The following DDX60 variants were observed in gnomAD, a reference collection of about 807,000 sequenced individuals.
The protein encoded by DDX60 is DExD/H-box helicase 60, also known as probable ATP-dependent RNA helicase DDX60.
A neutral mutation model predicts 212.8 loss-of-function variants in DDX60; 165 were observed. That is an observed-to-expected ratio of 0.78 (90% CI 0.68 to 0.88). DDX60 has a LOEUF of 0.88. Ranked by LOEUF, DDX60 falls within the 40% of genes least tolerant of loss-of-function variation. The pLI, the probability that DDX60 is intolerant of heterozygous loss-of-function variation, is 0.00. For missense variants in DDX60, 1,905 were observed against 2,003.9 expected, an observed-to-expected ratio of 0.95 and a Z score of 0.94; for synonymous variants, 703 against 685.3, an observed-to-expected ratio of 1.03 and a Z score of -0.40.
chr4:168,277,261 A>G (rs1735381012), intron 14 of DDX60, among the ~76,000 whole-genome samples: 1 of 152,190 alleles, frequency 6.6e-6, no homozygotes, highest in South Asian at 2.1e-4. Flanking sequence ...CCAGGGAAGC[A>G]TGAATACAGT....
chr4:168,296,608 T>G (rs1560869092), intron 6 of DDX60, among the ~76,000 whole-genome samples: 1 of 152,006 alleles, frequency 6.6e-6, no homozygotes, highest in Non-Finnish European at 1.5e-5. Context: ...TTAAATTAAA[T>G]TATATTAAAT....
chr4:168,244,475 C>A (rs1369823031), intron 30 of DDX60, among the ~76,000 whole-genome samples: 2 of 152,028 alleles, frequency 1.3e-5, no homozygotes, highest in Non-Finnish European at 2.9e-5. Flanking sequence ...GCCTGTAATC[C>A]CAGTACTTTG....
chr4:168,302,409 T>C lies in DDX60; in HGVS notation c.614A>G (p.Gln205Arg), dbSNP rs1736685320. 2 of 1,441,566 alleles carry C rather than the reference T, an allele frequency of 1.4e-6. No homozygotes were observed. Among genetic ancestry groups the C allele is most frequent in the Admixed American group, 2.5e-5 (1 of 39,220 alleles). The allele number at this position is 1,441,566 out of a possible 1,614,324, so 89.3% of individuals were successfully genotyped here. A position where few individuals can be genotyped will look rare whatever the true frequency, so the allele number is the denominator to read the frequency against. ...GGTTGTATAAGCATCTTTAATGTTC[T>C]GCTTATTCTGTAAAATAAAGAAAAA... ...RHQIFSWKNKQNIKDAYTTLL... is the reference protein window; with the variant it reads ...RHQIFSWKNKRNIKDAYTTLL... The change falls in exon 6 of 38, where the codon CAG becomes CGG. Residue 205 changes from glutamine to arginine, a missense_variant. Gln to Arg is a conservative substitution (Grantham distance 43). Transcript: ENST00000393743.
intron 37 of DDX60, among the ~76,000 whole-genome samples, chr4:168,218,973 C>T (rs1732948108): frequency 6.6e-6 from 1 of 151,942 alleles, no homozygotes; most frequent in Non-Finnish European, 1.5e-5. Context: ...TTTTTTAAAG[C>T]AGGTATATCA....
the DDX60 span, among the ~76,000 whole-genome samples, chr4:168,324,345 T>G: frequency 6.8e-6 from 1 of 147,070 alleles, no homozygotes; most frequent in Non-Finnish European, 1.5e-5. Flanking sequence ...GTATCAGAAG[T>G]CATGGACAAG....
At chr4:168,246,327 T>A in intron 30 of DDX60, 91 bp downstream of exon 30, 1 of 1,432,796 alleles carries the variant, frequency 7.0e-7, no homozygotes, top group Admixed American at 1.9e-5. Context: ...AACTCAAGGG[T>A]GATTGCTACA....
rs778356355 is a variant in DDX60 at position 168,252,619 on chromosome 4, G to C, written c.3595C>G (p.Gln1199Glu). The C allele has an allele frequency of 1.9e-6, 3 of 1,611,786 alleles. No homozygotes were observed. Among genetic ancestry groups the C allele is most frequent in the Non-Finnish European group, 2.5e-6 (3 of 1,178,984 alleles). The change falls in exon 27 of 38, where the codon CAA becomes GAA. Residue 1199 changes from glutamine (Q) to glutamate (E), a missense_variant. Transcript: ENST00000393743. ...TGTTCAGCTTCATGTATTAGGCTTT[G>C]ATCCACATTTCTGGTTTTTTTCTGG... is the stretch of plus-strand genomic sequence containing the variant. Reference protein sequence around the residue: ...KSQKKTRNVDQSLIHEAEHDN... With the variant: ...KSQKKTRNVDESLIHEAEHDN...
At chr4:168,312,084 A>T (rs1273241879) in intron 1 of DDX60, among the ~76,000 whole-genome samples, 3 of 152,126 alleles carry the variant, frequency 2.0e-5, no homozygotes. Flanking sequence ...CACTTGAAGG[A>T]CATTTAGGAG....
chr4:168,324,715 CT>C, the DDX60 span, among the ~76,000 whole-genome samples: 20 of 152,306 alleles, frequency 1.3e-4, no homozygotes, highest in African/African-American at 4.8e-4. Context: ...GTGGCAGGGT[CT>C]TATACTTATG....
intron 6 of DDX60, among the ~76,000 whole-genome samples, chr4:168,295,838 G>T (rs537451497): frequency 1.3e-5 from 2 of 152,146 alleles, no homozygotes; most frequent in Non-Finnish European, 1.5e-5. Flanking sequence ...AAAACGGGGG[G>T]AAATCCTGTC....
intron 33 of DDX60, among the ~76,000 whole-genome samples, chr4:168,226,324 T>C (rs1040515657): frequency 6.6e-6 from 1 of 151,980 alleles, no homozygotes; most frequent in Non-Finnish European, 1.5e-5. Context: ...TGTGATGGGA[T>C]TAGGACGCAG....
intron 18 of DDX60, 60 bp downstream of exon 18, chr4:168,273,219 A>G: frequency 6.8e-7 from 1 of 1,476,498 alleles, no homozygotes; most frequent in Non-Finnish European, 9.2e-7. Flanking sequence ...TTCTAGTCAA[A>G]GAGACATACA....
At chr4:168,247,600 C>T (rs535257629) in intron 29 of DDX60, among the ~76,000 whole-genome samples, 10 of 152,142 alleles carry the variant, frequency 6.6e-5, no homozygotes, top group East Asian at 5.8e-4. Flanking sequence ...AGATAAACCA[C>T]GTTGTCTGCA....
At position 168,268,909 on chromosome 4, in the gene DDX60, G is replaced by A. The variant is rs760941649; in HGVS notation, c.2731C>T (p.Arg911Ter). The A allele has an allele frequency of 5.0e-6, 8 of 1,594,450 alleles. No homozygotes were observed. Among genetic ancestry groups the A allele is most frequent in the East Asian group, 2.2e-5 (1 of 44,652 alleles). ...EIWEHLLVMIRCPFLALSATI... is the reference protein window; with the variant it reads ...EIWEHLLVMI ...GCTGAAAGAGCCAAAAAGGGACATCGGATCATGACAAGGAGATGTTCCCAG... is the reference window on the plus strand; with the variant it reads ...GCTGAAAGAGCCAAAAAGGGACATCAGATCATGACAAGGAGATGTTCCCAG... Residue 911 changes from arginine (R) to a stop codon, truncating the protein, a stop_gained, in exon 20 of 38, where the codon CGA (arginine) becomes TGA (stop). Coordinates refer to ENST00000393743, the MANE Select transcript of DDX60 (RefSeq NM_017631.6). LOFTEE classifies it high-confidence loss of function.
At chr4:168,307,860 G>A (rs1450971664) in intron 4 of DDX60, 146 bp downstream of exon 4, 1 of 372,990 alleles carries the variant, frequency 2.7e-6, no homozygotes, top group Non-Finnish European at 4.6e-6. Flanking sequence ...TGGGATTGTG[G>A]GTAATTTTTT....
intron 33 of DDX60, 103 bp downstream of exon 33, chr4:168,236,149 G>A: frequency 9.2e-7 from 1 of 1,090,030 alleles, no homozygotes; most frequent in Non-Finnish European, 1.3e-6. Flanking sequence ...TAAAACAAAT[G>A]AACTGCCCTT....
chr4:168,297,231 A>G (rs536295452), intron 6 of DDX60, among the ~76,000 whole-genome samples: 1 of 151,176 alleles, frequency 6.6e-6, no homozygotes, highest in Non-Finnish European at 1.5e-5. Context: ...TTATTCAGCA[A>G]CTGATAAACC....
chr4:168,258,269 C>A (rs1579008732), intron 25 of DDX60, among the ~76,000 whole-genome samples: 1 of 152,160 alleles, frequency 6.6e-6, no homozygotes. Flanking sequence ...TTATTCTGAT[C>A]ATCTCATTTT....
chr4:168,221,951 C>T, intron 35 of DDX60, 70 bp from the exon 36 acceptor site: 2 of 1,467,308 alleles, frequency 1.4e-6, no homozygotes, highest in Non-Finnish European at 1.9e-6. Flanking sequence ...TTATGTGGTG[C>T]TTTGTAGATA....
Sources: gnomAD v4.1 joint callset for allele counts (sites outside exome capture counted in the v4.1 genomes callset) on GRCh38, gnomAD v4.1.1 for gene constraint, MANE v1.5 for transcripts, NCBI Gene and HGNC (gene_info 2026-07-23, HGNC 2026-07-21) for gene names.